Variants in KIF26B observed in about 807,000 individuals in gnomAD.
The protein encoded by KIF26B is kinesin family member 26B, also known as kinesin-like protein KIF26B.
A neutral mutation model predicts 151.2 loss-of-function variants in KIF26B; 63 were observed. The observed-to-expected ratio is 0.42, with a 90% CI of 0.34 to 0.51. The LOEUF is 0.51. Among genes scored for constraint, KIF26B ranks in the 20% least tolerant of loss-of-function variants. KIF26B has a pLI of 0.07. For synonymous variants in KIF26B, 1,357 were observed against 1,262.1 expected (o/e 1.08, Z -1.59); for missense variants, 2,813 against 2,913.6 (o/e 0.97, Z 0.79).
intron 4 of KIF26B, among the ~76,000 whole-genome samples, chr1:245,525,264 G>T (rs1661213086): frequency 6.6e-6 from 1 of 152,116 alleles, no homozygotes; most frequent in South Asian, 2.1e-4. Context: ...GTCTATGGAG[G>T]CAAAGGCTCA....
At chr1:245,322,712 C>T (rs1027335439) in intron 2 of KIF26B, among the ~76,000 whole-genome samples, 14 of 151,956 alleles carry the variant, frequency 9.2e-5, no homozygotes, top group South Asian at 2.1e-4. Flanking sequence ...AAAGATGCCC[C>T]GAGTGACAAA....
At chr1:245,454,699 G>A (rs1659474535) in intron 4 of KIF26B, among the ~76,000 whole-genome samples, 1 of 152,196 alleles carries the variant, frequency 6.6e-6, no homozygotes, top group African/African-American at 2.4e-5. Flanking sequence ...GATCTGATCT[G>A]CCCCAGAAAC....
chr1:245,374,094 AATATATATATATATAT>A (rs74163045), intron 3 of KIF26B, among the ~76,000 whole-genome samples: 591 of 22,162 alleles, frequency 0.027, 33 homozygotes, highest in African/African-American at 0.072. Context: ...AAAAAAAAAA[AATATATATATATATAT>A]ATATATATAT....
Position 245,312,647 on chromosome 1 carries a change from G to A in KIF26B, c.466-54187G>A, listed in dbSNP as rs530669219. Among the ~76,000 whole-genome samples, 3 of 152,156 alleles carry A rather than the reference G, an allele frequency of 2.0e-5. No homozygotes were observed. The South Asian group carries it at 6.2e-4, about 32-fold the overall frequency. ...GTGGGGGTGGGCGGTAGCAAGTGTT[G>A]CTTCCCCTTTTTATGGAAAAAAGTA... On this transcript the variant is annotated intron_variant, in intron 2 of 14. Coordinates refer to ENST00000407071, the MANE Select transcript of KIF26B (RefSeq NM_018012.4).
In KIF26B at chr1:245,227,739, G is replaced by A. The variant is rs574463482; in HGVS notation, c.465+71056G>A. Reference sequence around the variant, plus strand: ...TCTGAGGCTGGGTGTGGTGGCTCACGCCTGTGATTCCAGCACTTTAGGAGG... The same window carrying A: ...TCTGAGGCTGGGTGTGGTGGCTCACACCTGTGATTCCAGCACTTTAGGAGG... On this transcript the variant is annotated intron_variant, in intron 2 of 14. Coordinates refer to ENST00000407071, the MANE Select transcript of KIF26B (RefSeq NM_018012.4). The surrounding 1 kb of genome is among the most constrained non-coding windows in gnomAD (Gnocchi z 4.1). Among the ~76,000 whole-genome samples, 42 of 152,088 alleles carry A rather than the reference G, an allele frequency of 2.8e-4. No homozygotes were observed. The South Asian group carries it at 4.6e-3, about 17-fold the overall frequency.
intron 5 of KIF26B, among the ~76,000 whole-genome samples, chr1:245,566,025 C>T (rs890045419): frequency 2.0e-5 from 3 of 152,238 alleles, no homozygotes; most frequent in Admixed American, 6.5e-5. Context: ...CATGAACTAA[C>T]TGAGCGAGAG....
chr1:245,471,287 C>T (rs370916060), intron 4 of KIF26B, among the ~76,000 whole-genome samples: 6 of 152,038 alleles, frequency 3.9e-5, no homozygotes, highest in East Asian at 1.9e-4. Context: ...TGCACCACCA[C>T]GCCCAGCTAA....
chr1:245,545,102 ATT>A (rs58563353), intron 5 of KIF26B, among the ~76,000 whole-genome samples: 3,136 of 139,200 alleles, frequency 0.023, 38 homozygotes, highest in Middle Eastern at 0.11. Context: ...ATACACAGCA[ATT>A]TTTTTTTTTT....
chr1:245,187,122 C>A (rs556146617), intron 2 of KIF26B, among the ~76,000 whole-genome samples: 5 of 152,058 alleles, frequency 3.3e-5, no homozygotes, highest in Non-Finnish European at 5.9e-5. Flanking sequence ...CCCAAAGTGC[C>A]GGGATTACAG....
At chr1:245,202,620 C>A (rs1208918298) in intron 2 of KIF26B, among the ~76,000 whole-genome samples, 1 of 152,016 alleles carries the variant, frequency 6.6e-6, no homozygotes, top group Non-Finnish European at 1.5e-5. Flanking sequence ...ATTAGCCGGA[C>A]GTGGTGGCGG....
intron 4 of KIF26B, among the ~76,000 whole-genome samples, chr1:245,479,644 C>T (rs1660118183): frequency 6.6e-6 from 1 of 151,816 alleles, no homozygotes; most frequent in Non-Finnish European, 1.5e-5. Flanking sequence ...TGTAGTTTGA[C>T]AGTCAAGGAT....
At chr1:245,452,751 GA>G (rs1169218569) in intron 4 of KIF26B, among the ~76,000 whole-genome samples, 1 of 151,172 alleles carries the variant, frequency 6.6e-6, no homozygotes, top group Non-Finnish European at 1.5e-5. Flanking sequence ...ATCTTCTTTG[GA>G]AAAAAAAGTC....
At chr1:245,550,025 C>T (rs1383768584) in intron 5 of KIF26B, among the ~76,000 whole-genome samples, 1 of 152,150 alleles carries the variant, frequency 6.6e-6, no homozygotes, top group East Asian at 1.9e-4. Context: ...GTGATCCGCC[C>T]GCCTCGGCTT....
intron 5 of KIF26B, among the ~76,000 whole-genome samples, chr1:245,586,158 AGTGTGTGT>A (rs10526699): frequency 0.012 from 1,681 of 142,180 alleles, 24 homozygotes; most frequent in African/African-American, 0.031. Flanking sequence ...CACCATGACC[AGTGTGTGT>A]GTGTGTGTGT....
intron 9 of KIF26B, among the ~76,000 whole-genome samples, chr1:245,633,248 A>G (rs1484500759): frequency 2.7e-5 from 4 of 148,328 alleles, no homozygotes; most frequent in Non-Finnish European, 5.9e-5. Context: ...TACAAATGAA[A>G]TGCATTTGTT....
Position 245,602,511 on chromosome 1 carries a change from A to G in KIF26B, c.1351-66A>G, listed in dbSNP as rs2043407341. ...TGTGCATGTATATCGCAGAGTATAC[A>G]AGGGTGCTCCATCGTAAAACACCCA... is the stretch of plus-strand genomic sequence containing the variant. On this transcript the variant is annotated intron_variant, in intron 5 of 14. Coordinates refer to ENST00000407071, the MANE Select transcript of KIF26B (RefSeq NM_018012.4). This position sits in a 1 kb window ranked among gnomAD's most constrained non-coding sequence, Gnocchi z 4.5. 1 of 1,278,610 alleles carries G rather than the reference A, an allele frequency of 7.8e-7. No individual in the cohort carries two copies. The highest frequency in any genetic ancestry group is 2.5e-5 in the East Asian group (1 of 39,946). 79.2% of individuals were successfully genotyped at this position (1,278,610 alleles called of 1,614,324 possible).
chr1:245,505,367 A>T (rs886103620), intron 4 of KIF26B, among the ~76,000 whole-genome samples: 1 of 151,294 alleles, frequency 6.6e-6, no homozygotes, highest in Non-Finnish European at 1.5e-5. Flanking sequence ...AGTTTTAAAG[A>T]TGTAAAGAAT....
intron 4 of KIF26B, among the ~76,000 whole-genome samples, chr1:245,521,450 T>C (rs1361047475): frequency 6.6e-6 from 1 of 152,220 alleles, no homozygotes; most frequent in Non-Finnish European, 1.5e-5. Flanking sequence ...CAGGCTTGTT[T>C]TGGAAAATAT....
rs546299404 is a variant in KIF26B at position 245,609,577 on chromosome 1, C to T, written c.1914+49C>T. 1.7e-5 allele frequency: 25 copies of T among 1,459,186 alleles called. No homozygotes were observed. The South Asian group carries it at 3.0e-4, about 18-fold the overall frequency. The allele number at this position is 1,459,186 out of a possible 1,614,324, so 90.4% of individuals were successfully genotyped here. The stretch of plus-strand genomic sequence containing the variant: ...CGCCCCAAGGTGGCTCCCTCCCCAC[C>T]TCAGAGGCTGGGGCAGCTCCACCCG... On this transcript the variant is annotated intron_variant, in intron 8 of 14. Coordinates refer to ENST00000407071, the MANE Select transcript of KIF26B (RefSeq NM_018012.4).
Sources: gnomAD v4.1 joint callset for allele counts (sites outside exome capture counted in the v4.1 genomes callset) on GRCh38, gnomAD v4.1.1 for gene constraint, Gnocchi (gnomAD v3.1) non-coding constraint, MANE v1.5 for transcripts, NCBI Gene and HGNC (gene_info 2026-07-23, HGNC 2026-07-21) for gene names.